Variants in XXYLT1 observed in about 807,000 individuals in gnomAD.
XXYLT1 encodes UDP-xylose:alpha-xyloside alpha-1,3-xylosyltransferase.
In XXYLT1, 20 loss-of-function variants were observed where a neutral mutation model predicts 28.9. The ratio of observed to expected loss-of-function variants is 0.69; its 90% CI spans 0.49 to 1.00. The LOEUF is 1.00. Ranked by LOEUF, XXYLT1 falls within the 50% of genes least tolerant of loss-of-function variation. XXYLT1 has a pLI of 0.00. For synonymous variants in XXYLT1, 257 were observed against 253.8 expected, an observed-to-expected ratio of 1.01 and a Z score of -0.12; for missense variants, 542 against 560.1, an observed-to-expected ratio of 0.97 and a Z score of 0.33.
intron 3 of XXYLT1, among the ~76,000 whole-genome samples, chr3:195,136,903 C>T (rs758507664): frequency 2.0e-5 from 3 of 151,910 alleles, no homozygotes; most frequent in Admixed American, 6.5e-5. Context: ...GAAGTGGCGT[C>T]GAAGGGTAAA....
At chr3:195,079,023 C>T (rs966284315) in intron 3 of XXYLT1, among the ~76,000 whole-genome samples, 1 of 152,226 alleles carries the variant, frequency 6.6e-6, no homozygotes, top group South Asian at 2.1e-4. Context: ...CCACCCTGCA[C>T]AGAACCTGCT....
In XXYLT1 at chr3:195,076,064, C is replaced by G. The variant is rs1438405363; in HGVS notation, c.786-5953G>C. On this transcript the variant is annotated intron_variant, in intron 3 of 3. Coordinates refer to ENST00000310380, the MANE Select transcript of XXYLT1 (RefSeq NM_152531.5). The surrounding 1 kb of genome is among the most constrained non-coding windows in gnomAD (Gnocchi z 5.3). ...CCTCCCCTCCAGAAAGAACCAGCAC[C>G]ACGGCCTCCGCCTCCTGGAGCCTCT... is the stretch of plus-strand genomic sequence containing the variant. 1.3e-5 allele frequency among the ~76,000 whole-genome samples: 2 copies of G among 152,210 alleles called. No individual in the cohort carries two copies. The highest frequency in any genetic ancestry group is 2.9e-5 in the Non-Finnish European group (2 of 68,034).
At chr3:195,223,876 G>A (rs1723932626) in intron 2 of XXYLT1, among the ~76,000 whole-genome samples, 1 of 152,220 alleles carries the variant, frequency 6.6e-6, no homozygotes, top group African/African-American at 2.4e-5. Flanking sequence ...ATGAATTGCT[G>A]CCGGGCGCGG....
chr3:195,232,530 C>A (rs1205405875), intron 1 of XXYLT1, among the ~76,000 whole-genome samples: 2 of 152,034 alleles, frequency 1.3e-5, no homozygotes, highest in African/African-American at 4.8e-5. Context: ...TAGCCATAAA[C>A]TTCTCTTAGT....
chr3:195,102,902 T>C (rs1400940823), intron 3 of XXYLT1, among the ~76,000 whole-genome samples: 1 of 152,220 alleles, frequency 6.6e-6, no homozygotes, highest in African/African-American at 2.4e-5. Flanking sequence ...TTTTCCATCA[T>C]GGCTGTACCA....
chr3:195,241,972 C>A (rs1164238040), intron 1 of XXYLT1, among the ~76,000 whole-genome samples: 1 of 152,224 alleles, frequency 6.6e-6, no homozygotes, highest in Non-Finnish European at 1.5e-5. Flanking sequence ...CATCTCTCCC[C>A]AGCTCCCAGC....
At chr3:195,112,514 C>CCACACA (rs367884630) in intron 3 of XXYLT1, among the ~76,000 whole-genome samples, 818 of 43,586 alleles carry the variant, frequency 0.019, 5 homozygotes, top group African/African-American at 0.039. Context: ...CCACACACAC[C>CCACACA]CACACACACA....
At chr3:195,128,772 C>T (rs1217860422) in intron 3 of XXYLT1, among the ~76,000 whole-genome samples, 3 of 152,196 alleles carry the variant, frequency 2.0e-5, no homozygotes, top group Non-Finnish European at 2.9e-5. Flanking sequence ...CTGTTACTTG[C>T]TTACTTGAAT....
intron 2 of XXYLT1, among the ~76,000 whole-genome samples, chr3:195,172,362 A>G (rs13325837): frequency 0.054 from 8,188 of 152,238 alleles, 749 homozygotes; most frequent in African/African-American, 0.19. Context: ...CCAGCTGGGC[A>G]CTGCTGAACG....
chr3:195,121,652 G>A (rs1718366279), intron 3 of XXYLT1, among the ~76,000 whole-genome samples: 1 of 152,230 alleles, frequency 6.6e-6, no homozygotes, highest in East Asian at 1.9e-4. Flanking sequence ...TTTGGAGCTA[G>A]CAGACATGCT....
chr3:195,247,956 C>G, intron 1 of XXYLT1: 1 of 565,338 alleles, frequency 1.8e-6, no homozygotes, highest in Middle Eastern at 4.3e-4. Context: ...CCCTGTGGTC[C>G]AATCACCTCC....
chr3:195,101,978 A>T (rs944014206), intron 3 of XXYLT1, among the ~76,000 whole-genome samples: 3 of 1,232 alleles, frequency 2.4e-3, no homozygotes, highest in Admixed American at 0.013. Context: ...CGGGGGAGGG[A>T]GGGATGCGGG....
intron 1 of XXYLT1, among the ~76,000 whole-genome samples, chr3:195,228,215 G>A (rs927158995): frequency 1.4e-4 from 21 of 152,186 alleles, no homozygotes; most frequent in African/African-American, 4.1e-4. Context: ...CTGAACAGGT[G>A]CCAGCAGCAA....
chr3:195,116,687 A>T (rs957504864), intron 3 of XXYLT1, among the ~76,000 whole-genome samples: 2 of 151,836 alleles, frequency 1.3e-5, no homozygotes, highest in Non-Finnish European at 2.9e-5. Flanking sequence ...ATTTCTGGGG[A>T]CTCTAAAAAC....
intron 3 of XXYLT1, among the ~76,000 whole-genome samples, chr3:195,131,084 GA>G (rs530283123): frequency 0.085 from 12,868 of 152,024 alleles, 783 homozygotes; most frequent in East Asian, 0.27. Context: ...TCAGAAATGG[GA>G]CCCAAACAGT....
In XXYLT1 at chr3:195,246,786, C is replaced by T. The variant is rs930711789; in HGVS notation, c.505-19930G>A. ...ACATGGCCTTCCAGACACCGTGACA[C>T]AGGCTGAGGGGTTCCACAAGCATAA... is the stretch of plus-strand genomic sequence containing the variant. On this transcript the variant is annotated intron_variant, in intron 1 of 3. Transcript: ENST00000310380. 2.0e-5 allele frequency among the ~76,000 whole-genome samples: 3 copies of T among 152,318 alleles called. No homozygotes were observed. In the South Asian group the frequency reaches 6.2e-4, roughly 32 times the overall value.
intron 3 of XXYLT1, among the ~76,000 whole-genome samples, chr3:195,097,080 T>C (rs1236046124): frequency 2.0e-5 from 3 of 152,236 alleles, no homozygotes; most frequent in African/African-American, 7.2e-5. Context: ...GGACTTCCCA[T>C]GTCCCTGTTG....
intron 2 of XXYLT1, among the ~76,000 whole-genome samples, chr3:195,218,534 C>T (rs1195137519): frequency 2.7e-5 from 4 of 150,442 alleles, no homozygotes; most frequent in Admixed American, 2.6e-4. Context: ...CAAAAGAAGA[C>T]ATTTATGCAG....
intron 2 of XXYLT1, among the ~76,000 whole-genome samples, chr3:195,161,063 T>C (rs1370492005): frequency 1.3e-5 from 2 of 152,184 alleles, no homozygotes; most frequent in Non-Finnish European, 2.9e-5. Context: ...TCCTCCAGCC[T>C]GACCAGACAA....
Sources: gnomAD v4.1 joint callset for allele counts (sites outside exome capture counted in the v4.1 genomes callset) on GRCh38, gnomAD v4.1.1 for gene constraint, Gnocchi (gnomAD v3.1) non-coding constraint, MANE v1.5 for transcripts, NCBI Gene and HGNC (gene_info 2026-07-23, HGNC 2026-07-21) for gene names.